The following MGAT5B variants were observed in gnomAD, a reference collection of about 807,000 sequenced individuals.
MGAT5B encodes the protein N-acetylglucosaminyl-transferase Vb.
Under a neutral mutation model 95.1 loss-of-function variants are expected in MGAT5B, and 54 were observed. The ratio of observed to expected loss-of-function variants is 0.57; its 90% confidence interval spans 0.46 to 0.71. The LOEUF (loss-of-function observed/expected upper bound fraction) is 0.71, where lower values mean the gene tolerates loss of function less well. Among genes scored for constraint, MGAT5B ranks in the 30% least tolerant of loss-of-function variants. MGAT5B has a pLI of 0.00. For synonymous variants in MGAT5B, 464 were observed against 451.0 expected, an observed-to-expected ratio of 1.03 and a Z score of -0.36; for missense variants, 935 against 1,088.6, an observed-to-expected ratio of 0.86 and a Z score of 1.99.
chr17:76,949,350 G>A lies in MGAT5B; in HGVS notation c.*512G>A, dbSNP rs1204948406. On this transcript the variant is annotated 3_prime_UTR_variant, in exon 18 of 18. Coordinates refer to ENST00000569840, the MANE Select transcript of MGAT5B (RefSeq NM_001199172.2). The stretch of plus-strand genomic sequence containing the variant: ...CCTGCTCCAGGCAGGGAAACTGGGG[G>A]CTCGCCCTTCTCCTGTGAGGGGAGC... 16 of 156,328 alleles carry A rather than the reference G, an allele frequency of 1.0e-4. No homozygotes were observed. Among genetic ancestry groups the A allele is most frequent in the Non-Finnish European group, 2.1e-4 (15 of 70,870 alleles). The allele number at this position is 156,328 out of a possible 1,614,324, so 9.7% of individuals were successfully genotyped here.
rs1168740699 is a variant in MGAT5B, at chr17:76,940,062, C to A, written c.1585-340C>A. ...AGGTGCGGGCCTGCAGCTTTCTTGG[C>A]CTGAAACCCTTGTTCTTTTCTTCCT... On this transcript the variant is annotated intron_variant, in intron 13 of 17. Coordinates refer to ENST00000569840, the MANE Select transcript of MGAT5B (RefSeq NM_001199172.2). This position sits in a 1 kb window ranked among gnomAD's most constrained non-coding sequence, Gnocchi z 4.3. 6.6e-6 allele frequency among the ~76,000 whole-genome samples: 1 copy of A among 152,088 alleles called. No homozygotes were observed. Among genetic ancestry groups the A allele is most frequent in the Non-Finnish European group, 1.5e-5 (1 of 68,014 alleles).
Position 76,880,309 on chromosome 17 carries a change from T to C in MGAT5B, c.182-1842T>C, listed in dbSNP as rs116607849. Among the ~76,000 whole-genome samples, 169 of 152,220 alleles carry C rather than the reference T, an allele frequency of 1.1e-3. 1 individual carries two copies. The highest frequency in any genetic ancestry group is 3.9e-3 in the African/African-American group (162 of 41,534). On this transcript the variant is annotated intron_variant, in intron 2 of 17. Coordinates refer to ENST00000569840, the MANE Select transcript of MGAT5B (RefSeq NM_001199172.2). ...GCCTGGCCGGCATTTCCAAGGTGTG[T>C]GAGTGGTCCCGCCCCAGCTCCTGTG...
At chr17:76,885,531 C>T (rs190859913) in intron 3 of MGAT5B, among the ~76,000 whole-genome samples, 16 of 152,218 alleles carry the variant, frequency 1.1e-4, no homozygotes, top group African/African-American at 3.1e-4. Flanking sequence ...GATTTTTTTC[C>T]GGTCCTGGCC....
intron 10 of MGAT5B, 44 bp from the exon 11 acceptor site, chr17:76,932,601 T>G (rs1969527252): frequency 6.2e-7 from 1 of 1,607,432 alleles, no homozygotes; most frequent in Non-Finnish European, 8.5e-7. Flanking sequence ...GGGCTGCCCT[T>G]GGTTGTTTGG....
intron 8 of MGAT5B, among the ~76,000 whole-genome samples, chr17:76,919,956 G>GGGCACAGTGCA (rs2145226156): frequency 6.6e-6 from 1 of 152,220 alleles, no homozygotes; most frequent in South Asian, 2.1e-4. Flanking sequence ...GGATTAATTT[G>GGGCACAGTGCA]GGCACAGTGC....
Position 76,932,763 on chromosome 17 carries a change from G to A in MGAT5B, c.1410G>A (p.Ala470=), listed in dbSNP as rs372693421. 9.3e-6 allele frequency: 15 copies of A among 1,613,474 alleles called. No individual in the cohort carries two copies. In the East Asian group the frequency reaches 1.3e-4, roughly 14 times the overall value. ...TGGCCGTGGTGTACGGCAAGGAGGC[G>A]AGCATCTGGAAGGTGAGCGCGGCCC... ...SNMAVVYGKE[A]SIWKLQGKEK... Residue 470 remains alanine (A), a synonymous_variant, in exon 11 of 18, where the codon GCG becomes GCA. Transcript: ENST00000569840.
At chr17:76,890,302 G>C (rs1055524368) in intron 3 of MGAT5B, among the ~76,000 whole-genome samples, 1 of 152,304 alleles carries the variant, frequency 6.6e-6, no homozygotes, top group Non-Finnish European at 1.5e-5. Flanking sequence ...GGTCTAACTG[G>C]GACTTCATCC....
chr17:76,930,925 G>A lies in MGAT5B; in HGVS notation c.1292-1720G>A, dbSNP rs1598984220. On this transcript the variant is annotated intron_variant, in intron 10 of 17. Coordinates refer to ENST00000569840, the MANE Select transcript of MGAT5B (RefSeq NM_001199172.2). The surrounding 1 kb of genome is among the most constrained non-coding windows in gnomAD (Gnocchi z 4.1). Reference sequence around the variant, plus strand: ...ACAAGGGAGGAGGGCAGTGCAGGCCGAGGGGACAGCAGCAGGGGCAACGCT... The same window carrying A: ...ACAAGGGAGGAGGGCAGTGCAGGCCAAGGGGACAGCAGCAGGGGCAACGCT... Among the ~76,000 whole-genome samples, 2 of 152,252 alleles carry A rather than the reference G, an allele frequency of 1.3e-5. No individual in the cohort carries two copies. The highest frequency in any genetic ancestry group is 3.9e-4 in the East Asian group (2 of 5,178).
intron 16 of MGAT5B, among the ~76,000 whole-genome samples, chr17:76,947,592 CA>C (rs1970070732): frequency 6.6e-6 from 1 of 152,208 alleles, no homozygotes; most frequent in Admixed American, 6.5e-5. Context: ...TTCTGCCATC[CA>C]ACCCCAAGGC....
At position 76,916,186 on chromosome 17, in the gene MGAT5B, T is replaced by C. The variant is rs1348697181; in HGVS notation, c.1026-8780T>C. 2.0e-5 allele frequency among the ~76,000 whole-genome samples: 3 copies of C among 150,812 alleles called. No homozygotes were observed. Among genetic ancestry groups the C allele is most frequent in the East Asian group, 3.9e-4 (2 of 5,176 alleles). On this transcript the variant is annotated intron_variant, in intron 8 of 17. Transcript: ENST00000569840. The surrounding 1 kb of genome is among the most constrained non-coding windows in gnomAD (Gnocchi z 5.3). ...TATGCTCCACATAGCTGCACTGCCC[T>C]GGCCCCTGCCCTTCATTCTTCCTCG...
chr17:76,901,402 T>TAAAAA (rs57832999), intron 3 of MGAT5B, among the ~76,000 whole-genome samples: 1 of 143,642 alleles, frequency 7.0e-6, no homozygotes, highest in Non-Finnish European at 1.5e-5. Flanking sequence ...ATTAATGTGT[T>TAAAAA]AAAAAAAAAA....
chr17:76,872,563 C>T, intron 1 of MGAT5B: 1 of 1,132,824 alleles, frequency 8.8e-7, no homozygotes, highest in South Asian at 1.7e-5. Flanking sequence ...TGTTAATGAA[C>T]CAGCTCTGCC....
chr17:76,915,747 A>G lies in MGAT5B; in HGVS notation c.1026-9219A>G, dbSNP rs1211705822. Among the ~76,000 whole-genome samples the G allele has an allele frequency of 6.6e-6, 1 of 152,186 alleles. No homozygotes were observed. Among genetic ancestry groups the G allele is most frequent in the Non-Finnish European group, 1.5e-5 (1 of 68,028 alleles). The stretch of plus-strand genomic sequence containing the variant: ...TCCCCGTTCCAAGAGGAGGCACGAG[A>G]GGCCGACGATTACAATTCACTAAAA... On this transcript the variant is annotated intron_variant, in intron 8 of 17. Coordinates refer to ENST00000569840, the MANE Select transcript of MGAT5B (RefSeq NM_001199172.2). This position sits in a 1 kb window ranked among gnomAD's most constrained non-coding sequence, Gnocchi z 8.7.
chr17:76,893,670 G>A (rs993327130), intron 3 of MGAT5B, among the ~76,000 whole-genome samples: 1 of 152,194 alleles, frequency 6.6e-6, no homozygotes, highest in East Asian at 1.9e-4. Flanking sequence ...TTGTACCCTG[G>A]TAATGGATTC....
intron 2 of MGAT5B, among the ~76,000 whole-genome samples, chr17:76,875,566 T>C (rs1967156099): frequency 6.6e-6 from 1 of 151,406 alleles, no homozygotes; most frequent in African/African-American, 2.4e-5. Context: ...AATGAACTAA[T>C]AGAGGAGTAG....
chr17:76,932,840 G>T, intron 11 of MGAT5B, 65 bp downstream of exon 11: 1 of 1,579,070 alleles, frequency 6.3e-7, no homozygotes, highest in Non-Finnish European at 8.6e-7. Context: ...CCTGGGTCCC[G>T]CATCTCCTCC....
chr17:76,923,924 C>G (rs1335754336), intron 8 of MGAT5B: 1 of 152,152 alleles, frequency 6.6e-6, no homozygotes, highest in Non-Finnish European at 1.5e-5. Context: ...GAAGGGCCGT[C>G]TCTGCGGAGG....
chr17:76,872,748 T>G (rs1421608403), intron 1 of MGAT5B, 103 bp from the exon 2 acceptor site: 4 of 1,598,756 alleles, frequency 2.5e-6, no homozygotes. Flanking sequence ...CTTCCTTCAC[T>G]CATGCACTCA....
chr17:76,919,005 G>C (rs1567813430), intron 8 of MGAT5B, among the ~76,000 whole-genome samples: 2 of 152,206 alleles, frequency 1.3e-5, no homozygotes, highest in Admixed American at 1.3e-4. Context: ...TTTTAGCTTA[G>C]AAGAGACCGT....
Sources: allele counts gnomAD v4.1 joint callset (sites outside exome capture counted in the v4.1 genomes callset), GRCh38; gene constraint gnomAD v4.1.1; non-coding constraint Gnocchi (gnomAD v3.1); transcripts MANE v1.5; gene names NCBI Gene and HGNC (gene_info 2026-07-23, HGNC 2026-07-21).